PCDH11X: variants seen among roughly 807,000 people sequenced by gnomAD.
The protein encoded by PCDH11X is protocadherin 11 X-linked, also known as protocadherin-11 X-linked.
Under a neutral mutation model 53.3 loss-of-function variants are expected in PCDH11X, and 18 were observed. The ratio of observed to expected loss-of-function variants is 0.34; its 90% CI spans 0.23 to 0.50. The LOEUF (loss-of-function observed/expected upper bound fraction) is 0.50. Ranked by LOEUF, PCDH11X falls within the 20% of genes least tolerant of loss-of-function variation. The probability of loss-of-function intolerance (pLI) is 0.98; values close to 1 mark genes in which losing one functional copy is unlikely to be tolerated. For missense variants in PCDH11X, 570 were observed against 1,032.4 expected, an observed-to-expected ratio of 0.55 and a Z score of 6.14; for synonymous variants, 279 against 393.3, an observed-to-expected ratio of 0.71 and a Z score of 3.44.
At chrX:91,826,401 T>C (rs777322316) in intron 4 of PCDH11X, among the ~76,000 whole-genome samples, 1 of 109,501 alleles carries the variant, frequency 9.1e-6, no homozygotes, top group Non-Finnish European at 1.9e-5. Flanking sequence ...TAGGGTTTAT[T>C]TTAACTTATA....
At chrX:92,267,430 G>T (rs1322541097) in intron 8 of PCDH11X, among the ~76,000 whole-genome samples, 1 of 112,465 alleles carries the variant, frequency 8.9e-6, no homozygotes, top group East Asian at 2.8e-4. Context: ...AGAAAGAGTA[G>T]CTATAGTAGC....
Position 91,881,696 on chromosome X carries a change from G to T in PCDH11X, c.3033+2423G>T, listed in dbSNP as rs182042132. ...AGCAAAATAAGTGAGCACTGAAAAA[G>T]AAATTATGTATTTAAAAATTCAAAT... On this transcript the variant is annotated intron_variant, in intron 6 of 10. Coordinates refer to ENST00000682573, the MANE Select transcript of PCDH11X (RefSeq NM_032968.5). 7.6e-3 allele frequency among the ~76,000 whole-genome samples: 848 copies of T among 111,478 alleles called. 9 individuals are homozygous for T. Among genetic ancestry groups the T allele is most frequent in the African/African-American group, 0.027 (820 of 30,817 alleles).
chrX:92,030,067 A>G (rs1270439719), intron 6 of PCDH11X, among the ~76,000 whole-genome samples: 1 of 111,571 alleles, frequency 9.0e-6, no homozygotes, highest in African/African-American at 3.3e-5. Context: ...GGTTCAAGCG[A>G]TTCTCCTCCC....
At chrX:91,854,807 C>A (rs1015203518) in intron 5 of PCDH11X, among the ~76,000 whole-genome samples, 16 of 111,727 alleles carry the variant, frequency 1.4e-4, no homozygotes, top group African/African-American at 4.6e-4. Context: ...CGAGAAATGC[C>A]TATTCAAATC....
At chrX:91,807,050 G>T (rs1398762935) in intron 1 of PCDH11X, among the ~76,000 whole-genome samples, 1 of 110,735 alleles carries the variant, frequency 9.0e-6, no homozygotes, top group Non-Finnish European at 1.9e-5. Flanking sequence ...ATATAAAGGT[G>T]AACAGGGGTT....
intron 8 of PCDH11X, among the ~76,000 whole-genome samples, chrX:92,365,051 G>A (rs777537955): frequency 1.2e-5 from 1 of 80,330 alleles, no homozygotes; most frequent in South Asian, 5.3e-4. Context: ...GGCTTGCATA[G>A]CGTCAAAATA....
At chrX:92,014,780 C>G (rs1469831979) in intron 6 of PCDH11X, among the ~76,000 whole-genome samples, 9 of 111,040 alleles carry the variant, frequency 8.1e-5, no homozygotes, top group Non-Finnish European at 1.5e-4. Context: ...CAAACTATCG[C>G]AAGGAGAAAA....
In PCDH11X at chrX:91,936,759, A is replaced by G. The variant is rs781466041; in HGVS notation, c.3033+57486A>G. Among the ~76,000 whole-genome samples, 5 of 107,846 alleles carry G rather than the reference A, an allele frequency of 4.6e-5. No homozygotes were observed. The South Asian group carries it at 1.9e-3, about 42-fold the overall frequency. 93.7% of individuals were successfully genotyped at this position (107,846 alleles called of 115,157 possible). On this transcript the variant is annotated intron_variant, in intron 6 of 10. Transcript: ENST00000682573. ...TTTAGCATGAAGCCATACATGAATA[A>G]AGCTTATTTCTTATCTGCATCGATG...
chrX:91,824,148 G>A, intron 4 of PCDH11X, among the ~76,000 whole-genome samples: 1 of 110,980 alleles, frequency 9.0e-6, no homozygotes, highest in Admixed American at 9.7e-5. Flanking sequence ...TGACAATTAT[G>A]TGTCTTGGAG....
intron 6 of PCDH11X, among the ~76,000 whole-genome samples, chrX:92,000,660 G>A (rs1387291648): frequency 9.1e-6 from 1 of 110,355 alleles, no homozygotes; most frequent in South Asian, 3.9e-4. Context: ...CTACCGATTT[G>A]TAGTCTTGTT....
chrX:92,277,833 C>A (rs887924873), intron 8 of PCDH11X, among the ~76,000 whole-genome samples: 1 of 110,684 alleles, frequency 9.0e-6, no homozygotes, highest in African/African-American at 3.3e-5. Flanking sequence ...GCCCCTCCCC[C>A]AGAAAAGCAG....
intron 10 of PCDH11X, among the ~76,000 whole-genome samples, chrX:92,532,117 A>G (rs1285969566): frequency 9.0e-6 from 1 of 111,449 alleles, no homozygotes; most frequent in African/African-American, 3.3e-5. Flanking sequence ...GCCATTGTTT[A>G]CCTGATGTAT....
At chrX:92,177,571 A>G (rs1330342582) in intron 6 of PCDH11X, among the ~76,000 whole-genome samples, 1 of 111,781 alleles carries the variant, frequency 8.9e-6, no homozygotes, top group African/African-American at 3.3e-5. Context: ...TTAGCCAAAC[A>G]AATTTTTCCC....
intron 7 of PCDH11X, among the ~76,000 whole-genome samples, chrX:92,235,667 T>C (rs1483858079): frequency 1.8e-5 from 2 of 111,568 alleles, no homozygotes; most frequent in African/African-American, 6.5e-5. Flanking sequence ...TATTTTATTA[T>C]TTCATAAGGG....
chrX:92,215,472 A>G (rs1418420105), intron 7 of PCDH11X, among the ~76,000 whole-genome samples: 2 of 89,401 alleles, frequency 2.2e-5, no homozygotes, highest in African/African-American at 8.0e-5. Context: ...TCTGAGATCA[A>G]TCTGCAAGGT....
rs2063568772 is a variant in PCDH11X at position 92,064,178 on chromosome X, C to G, written c.3034-137197C>G. Among the ~76,000 whole-genome samples, 4 of 103,703 alleles carry G rather than the reference C, an allele frequency of 3.9e-5. No individual in the cohort carries two copies. The South Asian group carries it at 1.8e-3, about 48-fold the overall frequency. The allele number at this position is 103,703 out of a possible 115,157, so 90.1% of individuals were successfully genotyped here. A position where few individuals can be genotyped will look rare whatever the true frequency, so the allele number is the denominator to read the frequency against. ...TGGCAGGGGTAGGGTTGCCTGTGTC[C>G]ATGCTTGCACTTGTACCAGCAGTGA... is the stretch of plus-strand genomic sequence containing the variant. On this transcript the variant is annotated intron_variant, in intron 6 of 10. Transcript: ENST00000682573.
chrX:92,242,885 G>A (rs2067285314), intron 7 of PCDH11X, among the ~76,000 whole-genome samples: 1 of 111,174 alleles, frequency 9.0e-6, no homozygotes, highest in Non-Finnish European at 1.9e-5. Context: ...CTTTTCTTGT[G>A]CATGTTTGAC....
chrX:91,861,643 G>A (rs1031496972), intron 5 of PCDH11X, among the ~76,000 whole-genome samples: 5 of 111,828 alleles, frequency 4.5e-5, no homozygotes, highest in African/African-American at 1.6e-4. Context: ...GCTACCTACC[G>A]CTGGGTCCAA....
At chrX:92,317,235 C>G (rs1373144736) in intron 8 of PCDH11X, among the ~76,000 whole-genome samples, 1 of 94,274 alleles carries the variant, frequency 1.1e-5, no homozygotes, top group Non-Finnish European at 2.1e-5. Context: ...ACTGATAGAC[C>G]AAAATAGTTT....
Sources: allele counts gnomAD v4.1 joint callset (sites outside exome capture counted in the v4.1 genomes callset), GRCh38; gene constraint gnomAD v4.1.1; transcripts MANE v1.5; gene names NCBI Gene and HGNC (gene_info 2026-07-23, HGNC 2026-07-21).